Variants in FBXL7 observed in about 807,000 individuals in gnomAD.
FBXL7 encodes the protein F-box/LRR-repeat protein 7.
FBXL7 carries 12 observed loss-of-function variants against 38.3 expected under a neutral mutation model. That is an observed-to-expected ratio of 0.31 (90% CI 0.20 to 0.51). FBXL7 has a LOEUF of 0.51. FBXL7 is among the 20% of genes least tolerant of loss of function. The pLI is 0.98. For missense variants in FBXL7, 567 were observed against 676.4 expected (o/e 0.84, Z 1.79); for synonymous variants, 297 against 300.9 (o/e 0.99, Z 0.13).
At chr5:15,750,670 G>T (rs1376753021) in intron 2 of FBXL7, among the ~76,000 whole-genome samples, 1 of 151,966 alleles carries the variant, frequency 6.6e-6, no homozygotes, top group East Asian at 1.9e-4. Flanking sequence ...TCAGTCAAAA[G>T]GTTGCTTGTG....
chr5:15,565,501 A>C (rs1279838618), intron 1 of FBXL7, among the ~76,000 whole-genome samples: 1 of 150,748 alleles, frequency 6.6e-6, no homozygotes, highest in Non-Finnish European at 1.5e-5. Context: ...AAACTAGGAT[A>C]TATATAATCC....
At chr5:15,570,675 A>C (rs535866301) in intron 1 of FBXL7, among the ~76,000 whole-genome samples, 3 of 152,314 alleles carry the variant, frequency 2.0e-5, no homozygotes, top group African/African-American at 4.8e-5. Context: ...CAGCATTAAC[A>C]GAAGTACCTT....
At chr5:15,697,672 CA>C (rs1044739235) in intron 2 of FBXL7, among the ~76,000 whole-genome samples, 3 of 152,066 alleles carry the variant, frequency 2.0e-5, no homozygotes, top group African/African-American at 7.2e-5. Context: ...TCTGCACACA[CA>C]AGGCTTCATT....
At chr5:15,651,073 T>G (rs1741691860) in intron 2 of FBXL7, among the ~76,000 whole-genome samples, 1 of 151,962 alleles carries the variant, frequency 6.6e-6, no homozygotes, top group South Asian at 2.1e-4. Context: ...AGCTACAGCC[T>G]TACAAAACAT....
chr5:15,582,087 G>A (rs147025545), intron 1 of FBXL7, among the ~76,000 whole-genome samples: 3,647 of 152,136 alleles, frequency 0.024, 150 homozygotes, highest in African/African-American at 0.082. Context: ...ACAGGCATGT[G>A]CCACCATGCC....
At position 15,501,931 on chromosome 5, in the gene FBXL7, G is replaced by A. The variant is rs370962810; in HGVS notation, c.37+1218G>A. On this transcript the variant is annotated intron_variant, in intron 1 of 3. Coordinates refer to ENST00000504595, the MANE Select transcript of FBXL7 (RefSeq NM_012304.5). Reference sequence around the variant, plus strand: ...TTCCTTGTCTTGGGCAGTGATTTGAGTTTTTTTTTTTTTGACAATTTTTTT... The same window carrying A: ...TTCCTTGTCTTGGGCAGTGATTTGAATTTTTTTTTTTTTGACAATTTTTTT... 6.7e-5 allele frequency among the ~76,000 whole-genome samples: 9 copies of A among 135,152 alleles called. No individual in the cohort carries two copies. In the East Asian group the frequency reaches 1.3e-3, roughly 19 times the overall value. 88.7% of individuals were successfully genotyped at this position (135,152 alleles called of 152,430 possible).
intron 2 of FBXL7, among the ~76,000 whole-genome samples, chr5:15,816,762 T>C (rs547315085): frequency 6.6e-6 from 1 of 152,358 alleles, no homozygotes; most frequent in East Asian, 1.9e-4. Flanking sequence ...TCTGAACTTT[T>C]TGTAACTGTA....
intron 1 of FBXL7, among the ~76,000 whole-genome samples, chr5:15,511,388 A>T (rs1294968036): frequency 6.6e-6 from 1 of 152,190 alleles, no homozygotes; most frequent in African/African-American, 2.4e-5. Context: ...CTTTGCGCTG[A>T]AACAGCCCTT....
chr5:15,894,011 G>C (rs1254527900), intron 2 of FBXL7, among the ~76,000 whole-genome samples: 4 of 152,264 alleles, frequency 2.6e-5, no homozygotes, highest in African/African-American at 9.6e-5. Context: ...GTCCCAGCCA[G>C]GCGCGGTGGC....
chr5:15,531,793 A>G (rs1737439489), intron 1 of FBXL7, among the ~76,000 whole-genome samples: 1 of 152,210 alleles, frequency 6.6e-6, no homozygotes, highest in Non-Finnish European at 1.5e-5. Flanking sequence ...ATCCTTGTAC[A>G]CTGCCATTTT....
intron 2 of FBXL7, among the ~76,000 whole-genome samples, chr5:15,923,165 G>C (rs1156229199): frequency 1.3e-5 from 2 of 152,194 alleles, no homozygotes; most frequent in African/African-American, 4.8e-5. Context: ...TGGTACCCCT[G>C]CATCGGGGTC....
In FBXL7 at chr5:15,604,892, C is replaced by A. The variant is rs369162905; in HGVS notation, c.38-11091C>A. Among the ~76,000 whole-genome samples the A allele has an allele frequency of 1.4e-4, 21 of 152,176 alleles. No homozygotes were observed. In the South Asian group the frequency reaches 4.4e-3, roughly 32 times the overall value. On this transcript the variant is annotated intron_variant, in intron 1 of 3. Transcript: ENST00000504595. ...CCCCATTTAGGCAATAAGGGGAATC[C>A]CCTAGTCATCCACTGGCTGTTGAAG...
chr5:15,661,375 A>T (rs1454108179), intron 2 of FBXL7, among the ~76,000 whole-genome samples: 3 of 143,022 alleles, frequency 2.1e-5, no homozygotes, highest in Non-Finnish European at 4.6e-5. Context: ...CTTCCGTTCT[A>T]AGTTGTATCT....
rs551987581 is a variant in FBXL7, at chr5:15,826,628, A to G, written c.128-101262A>G. Among the ~76,000 whole-genome samples, 407 of 152,172 alleles carry G rather than the reference A, an allele frequency of 2.7e-3. 1 individual carries two copies. The highest frequency in any genetic ancestry group is 9.2e-3 in the African/African-American group (382 of 41,516). On this transcript the variant is annotated intron_variant, in intron 2 of 3. Transcript: ENST00000504595. ...AAGACGGGGTTTCACCATGTTGGCC[A>G]GGCTGGTCCCAAACTCCTGTCCTCA...
intron 1 of FBXL7, among the ~76,000 whole-genome samples, chr5:15,515,010 T>C (rs1736897614): frequency 6.6e-6 from 1 of 152,178 alleles, no homozygotes; most frequent in Non-Finnish European, 1.5e-5. Context: ...CATAAGGTGA[T>C]CCCACGGGTA....
intron 2 of FBXL7, among the ~76,000 whole-genome samples, chr5:15,823,235 C>A (rs1475740511): frequency 1.3e-5 from 2 of 152,146 alleles, no homozygotes; most frequent in East Asian, 1.9e-4. Context: ...ACATTATAAC[C>A]AGACACTCCA....
At chr5:15,708,292 T>G (rs566463974) in intron 2 of FBXL7, among the ~76,000 whole-genome samples, 1 of 152,216 alleles carries the variant, frequency 6.6e-6, no homozygotes, top group Non-Finnish European at 1.5e-5. Flanking sequence ...CATCTTTAGA[T>G]AGGGAAAGGA....
At chr5:15,567,499 G>A (rs940134710) in intron 1 of FBXL7, among the ~76,000 whole-genome samples, 1 of 152,008 alleles carries the variant, frequency 6.6e-6, no homozygotes, top group Non-Finnish European at 1.5e-5. Context: ...GTGTCTGCTT[G>A]CACATCAGCA....
intron 1 of FBXL7, among the ~76,000 whole-genome samples, chr5:15,589,466 C>T (rs934299251): frequency 6.6e-6 from 1 of 152,198 alleles, no homozygotes; most frequent in South Asian, 2.1e-4. Context: ...TGTCTTCGGC[C>T]GTGATTGTAA....
Sources: gnomAD v4.1 joint callset for allele counts (sites outside exome capture counted in the v4.1 genomes callset) on GRCh38, gnomAD v4.1.1 for gene constraint, MANE v1.5 for transcripts, NCBI Gene and HGNC (gene_info 2026-07-23, HGNC 2026-07-21) for gene names.